Variants in BACH2 observed in about 807,000 individuals in gnomAD.
BACH2 encodes the protein BACH transcriptional regulator 2.
BACH2 carries 5 observed loss-of-function variants against 61.8 expected under a neutral mutation model. The ratio of observed to expected loss-of-function variants is 0.08; its 90% CI spans 0.04 to 0.17. The LOEUF (loss-of-function observed/expected upper bound fraction) is 0.17, where lower values mean the gene tolerates loss of function less well. Among genes scored for constraint, BACH2 ranks in the 10% least tolerant of loss-of-function variants. BACH2 has a pLI of 1.00. For synonymous variants in BACH2, 446 were observed against 440.1 expected (o/e 1.01, Z -0.17); for missense variants, 824 against 1,091.1 (o/e 0.76, Z 3.45).
chr6:90,193,299 G>C (rs759023524), intron 4 of BACH2, among the ~76,000 whole-genome samples: 12 of 152,198 alleles, frequency 7.9e-5, no homozygotes, highest in Non-Finnish European at 1.6e-4. Context: ...GGTCATACTG[G>C]AAGAGAGTGT....
At chr6:90,035,039 T>C (rs1481499388) in intron 5 of BACH2, among the ~76,000 whole-genome samples, 2 of 152,120 alleles carry the variant, frequency 1.3e-5, no homozygotes, top group Non-Finnish European at 2.9e-5. Flanking sequence ...TGACCATGAA[T>C]ACACATATAT....
chr6:90,103,029 A>ATATATT, intron 4 of BACH2, among the ~76,000 whole-genome samples: 7 of 21,160 alleles, frequency 3.3e-4, no homozygotes, highest in African/African-American at 9.7e-4. Flanking sequence ...ATATATATAT[A>ATATATT]TTTTTTTTTT....
intron 2 of BACH2, among the ~76,000 whole-genome samples, chr6:90,270,218 A>G (rs578066977): frequency 6.6e-6 from 1 of 152,310 alleles, no homozygotes; most frequent in South Asian, 2.1e-4. Flanking sequence ...TTTTCATATA[A>G]TGACTTCTTT....
At chr6:90,287,598 A>T in intron 1 of BACH2, among the ~76,000 whole-genome samples, 1 of 152,192 alleles carries the variant, frequency 6.6e-6, no homozygotes, top group African/African-American at 2.4e-5. Context: ...ATTATTAAAA[A>T]TAATCTTCTC....
intron 4 of BACH2, among the ~76,000 whole-genome samples, chr6:90,195,252 G>T (rs1768716925): frequency 6.6e-6 from 1 of 152,126 alleles, no homozygotes; most frequent in South Asian, 2.1e-4. Context: ...TGTCAGGGCT[G>T]TCAGTGTCAC....
At chr6:90,225,879 G>T (rs1373010980) in intron 3 of BACH2, among the ~76,000 whole-genome samples, 2 of 152,192 alleles carry the variant, frequency 1.3e-5, no homozygotes, top group African/African-American at 2.4e-5. Flanking sequence ...GAGGATCAGA[G>T]ATCTGGAGGG....
chr6:90,103,037 T>TTA (rs1554246309), intron 4 of BACH2, among the ~76,000 whole-genome samples: 1 of 109,512 alleles, frequency 9.1e-6, no homozygotes, highest in Non-Finnish European at 1.7e-5. Context: ...ATATTTTTTT[T>TTA]TTTTTTTTTT....
chr6:90,165,043 A>G (rs1455544440), intron 4 of BACH2, among the ~76,000 whole-genome samples: 2 of 152,322 alleles, frequency 1.3e-5, no homozygotes, highest in East Asian at 3.9e-4. Context: ...TATTCAACAT[A>G]GTGTTGGAAG....
intron 4 of BACH2, among the ~76,000 whole-genome samples, chr6:90,138,761 C>T (rs1225213389): frequency 6.6e-6 from 1 of 152,132 alleles, no homozygotes; most frequent in Non-Finnish European, 1.5e-5. Context: ...CGATTTCTTG[C>T]CACTAAATAA....
intron 4 of BACH2, among the ~76,000 whole-genome samples, chr6:90,181,430 A>C (rs1768159334): frequency 6.6e-6 from 1 of 152,032 alleles, no homozygotes; most frequent in Non-Finnish European, 1.5e-5. Context: ...AAAGAGGAGG[A>C]GAGTGATCCA....
intron 1 of BACH2, among the ~76,000 whole-genome samples, chr6:90,292,630 T>C (rs1772215654): frequency 6.6e-6 from 1 of 152,200 alleles, no homozygotes; most frequent in Non-Finnish European, 1.5e-5. Context: ...ATTTTCCAGG[T>C]AGTTGTAACC....
chr6:90,242,036 C>T (rs1562522583), intron 3 of BACH2, among the ~76,000 whole-genome samples: 1 of 151,744 alleles, frequency 6.6e-6, no homozygotes, highest in East Asian at 1.9e-4. Flanking sequence ...TGTTATTAAC[C>T]ATCTTGCACA....
intron 4 of BACH2, among the ~76,000 whole-genome samples, chr6:90,131,041 C>T (rs1051455520): frequency 6.6e-6 from 1 of 152,116 alleles, no homozygotes; most frequent in African/African-American, 2.4e-5. Context: ...CTCCTGAGAG[C>T]GGAAGATTGA....
chr6:89,979,015 T>C (rs1250768143), intron 6 of BACH2, among the ~76,000 whole-genome samples: 1 of 152,202 alleles, frequency 6.6e-6, no homozygotes, highest in Non-Finnish European at 1.5e-5. Context: ...TACTGCTGCC[T>C]TGTGATCTCT....
chr6:90,004,818 A>T (rs186751810), intron 6 of BACH2, among the ~76,000 whole-genome samples: 1 of 152,270 alleles, frequency 6.6e-6, no homozygotes, highest in Admixed American at 6.5e-5. Context: ...CAAAACATAT[A>T]CTTACTCATT....
intron 3 of BACH2, among the ~76,000 whole-genome samples, chr6:90,233,834 T>G (rs1446771918): frequency 6.6e-6 from 1 of 152,154 alleles, no homozygotes; most frequent in Non-Finnish European, 1.5e-5. Flanking sequence ...TCAGAGAGAA[T>G]GCCAGCCACG....
intron 6 of BACH2, among the ~76,000 whole-genome samples, chr6:89,953,441 T>C (rs879323343): frequency 2.0e-5 from 3 of 152,222 alleles, no homozygotes; most frequent in Non-Finnish European, 2.9e-5. Flanking sequence ...TAAATTTTTC[T>C]GTCAGATGAT....
intron 1 of BACH2, among the ~76,000 whole-genome samples, chr6:90,285,470 G>A (rs1299375528): frequency 6.6e-6 from 1 of 152,126 alleles, no homozygotes; most frequent in Non-Finnish European, 1.5e-5. Context: ...GGAAATAACA[G>A]CACATTCCCT....
intron 1 of BACH2, among the ~76,000 whole-genome samples, chr6:90,280,250 G>A (rs1474566188): frequency 6.6e-6 from 1 of 152,052 alleles, no homozygotes; most frequent in Admixed American, 6.6e-5. Flanking sequence ...GAATATAAAA[G>A]AAAAATTTGA....
Sources: allele counts gnomAD v4.1 joint callset (sites outside exome capture counted in the v4.1 genomes callset), GRCh38; gene constraint gnomAD v4.1.1; transcripts MANE v1.5; gene names NCBI Gene and HGNC (gene_info 2026-07-23, HGNC 2026-07-21).